Variants in SCNN1B observed in about 807,000 individuals in gnomAD.
The protein encoded by SCNN1B is epithelial sodium channel subunit beta.
A neutral mutation model predicts 65.3 loss-of-function variants in SCNN1B; 46 were observed. That is an observed-to-expected ratio of 0.70 (90% confidence interval 0.56 to 0.90). SCNN1B has a LOEUF of 0.90. Among genes scored for constraint, SCNN1B ranks in the 40% least tolerant of loss-of-function variants. The probability of loss-of-function intolerance (pLI) is 0.00; values close to 1 mark genes in which losing one functional copy is unlikely to be tolerated. For missense variants in SCNN1B, 751 were observed against 830.5 expected, an observed-to-expected ratio of 0.90 and a Z score of 1.18; for synonymous variants, 349 against 330.6, an observed-to-expected ratio of 1.06 and a Z score of -0.60.
upstream of SCNN1B, among the ~76,000 whole-genome samples, chr16:23,299,351 C>T (rs527252644): frequency 2.0e-5 from 3 of 152,202 alleles, no homozygotes; most frequent in South Asian, 4.2e-4. Context: ...TTAGCCACCC[C>T]GCCCAGCCGA....
chr16:23,332,633 A>G (rs970827693), intron 1 of SCNN1B, among the ~76,000 whole-genome samples: 1 of 152,102 alleles, frequency 6.6e-6, no homozygotes, highest in African/African-American at 2.4e-5. Flanking sequence ...GCCTGGTCAG[A>G]GATGTTTTTT....
intron 1 of SCNN1B, among the ~76,000 whole-genome samples, chr16:23,319,040 GTTTTGT>G (rs1961532449): frequency 1.6e-5 from 2 of 128,390 alleles, no homozygotes; most frequent in African/African-American, 7.5e-5. Context: ...GGTTTTGTTT[GTTTTGT>G]TTTTTTTTTT....
chr16:23,327,410 G>A (rs1054739108), intron 1 of SCNN1B, among the ~76,000 whole-genome samples: 14 of 152,062 alleles, frequency 9.2e-5, no homozygotes, highest in African/African-American at 2.2e-4. Flanking sequence ...GTGCACGCCT[G>A]TAATCCCAGC....
rs1319081524 is a variant in SCNN1B at position 23,309,739 on chromosome 16, G to A, written c.-9+7302G>A. 2.6e-5 allele frequency among the ~76,000 whole-genome samples: 4 copies of A among 152,216 alleles called. No individual in the cohort carries two copies. The East Asian group carries it at 5.8e-4, about 22-fold the overall frequency. Reference sequence around the variant, plus strand: ...GTGGGTCTGCCTTTCCCAGCCCACTGACTCAAGTGTTAATCTCCTTTGGCA... The same window carrying A: ...GTGGGTCTGCCTTTCCCAGCCCACTAACTCAAGTGTTAATCTCCTTTGGCA... On this transcript the variant is annotated intron_variant, in intron 1 of 12. Coordinates refer to ENST00000343070, the MANE Select transcript of SCNN1B (RefSeq NM_000336.3).
rs892298101 is a variant in SCNN1B at position 23,348,024 on chromosome 16, G to A, written c.-8-568G>A. Among the ~76,000 whole-genome samples the A allele has an allele frequency of 2.6e-5, 4 of 152,184 alleles. No homozygotes were observed. The highest frequency in any genetic ancestry group is 6.5e-5 in the Admixed American group (1 of 15,278). ...TATCTCTGCAGCTGAGGCCACAGGCGGGAACCCACCCTACACAGGACACAT... is the reference window on the plus strand; with the variant it reads ...TATCTCTGCAGCTGAGGCCACAGGCAGGAACCCACCCTACACAGGACACAT... On this transcript the variant is annotated intron_variant, in intron 1 of 12. Coordinates refer to ENST00000343070, the MANE Select transcript of SCNN1B (RefSeq NM_000336.3). The surrounding 1 kb of genome is among the most constrained non-coding windows in gnomAD (Gnocchi z 4.5).
rs145501957 is a variant in SCNN1B at position 23,348,396 on chromosome 16, T to C, written c.-8-196T>C. 2.0e-3 allele frequency among the ~76,000 whole-genome samples: 268 copies of C among 136,712 alleles called. No homozygotes were observed. The highest frequency in any genetic ancestry group is 3.3e-3 in the Non-Finnish European group (218 of 66,608). The allele number at this position is 136,712 out of a possible 152,430, so 89.7% of individuals were successfully genotyped here. On this transcript the variant is annotated intron_variant, in intron 1 of 12. Coordinates refer to ENST00000343070, the MANE Select transcript of SCNN1B (RefSeq NM_000336.3). The surrounding 1 kb of genome is among the most constrained non-coding windows in gnomAD (Gnocchi z 4.5). ...ATTCAATAAATGCATTTTGGTTGAT[T>C]AGATGGATGGATGGATTGATGACAG...
chr16:23,292,528 C>T (rs1403496062), intron 2 of SCNN1B, among the ~76,000 whole-genome samples: 3 of 150,028 alleles, frequency 2.0e-5, no homozygotes, highest in South Asian at 2.1e-4. Context: ...CTTTGAGACA[C>T]GGTCTCACTC....
At chr16:23,298,209 C>A (rs895721190), upstream of SCNN1B, among the ~76,000 whole-genome samples, 1 of 152,148 alleles carries the variant, frequency 6.6e-6, no homozygotes, top group Non-Finnish European at 1.5e-5. Flanking sequence ...ATAATTTAAC[C>A]CATGAATCTT....
At chr16:23,341,522 C>A (rs529336273) in intron 1 of SCNN1B, among the ~76,000 whole-genome samples, 1 of 152,054 alleles carries the variant, frequency 6.6e-6, no homozygotes, top group East Asian at 1.9e-4. Flanking sequence ...AAAAGACAAC[C>A]CACAGAGAAG....
chr16:23,340,557 C>A (rs566868122), intron 1 of SCNN1B, among the ~76,000 whole-genome samples: 1 of 151,848 alleles, frequency 6.6e-6, no homozygotes, highest in Non-Finnish European at 1.5e-5. Flanking sequence ...TATTTTTTTA[C>A]GTTTTAATCT....
chr16:23,353,276 T>C, intron 3 of SCNN1B: 1 of 622,262 alleles, frequency 1.6e-6, no homozygotes, highest in East Asian at 2.8e-5. Flanking sequence ...GTGATCCAGC[T>C]CACACTAGCT....
chr16:23,303,934 G>A, intron 1 of SCNN1B: 1 of 746,706 alleles, frequency 1.3e-6, no homozygotes, highest in South Asian at 1.5e-5. Flanking sequence ...AATAGAACTA[G>A]AAGTAGAAAT....
At chr16:23,298,559 C>T (rs766612709), upstream of SCNN1B, among the ~76,000 whole-genome samples, 5 of 152,172 alleles carry the variant, frequency 3.3e-5, no homozygotes, top group Non-Finnish European at 5.9e-5. Flanking sequence ...TGGAGAGGTG[C>T]TGTTGGTGCC....
chr16:23,339,652 A>C (rs931184249), intron 1 of SCNN1B, among the ~76,000 whole-genome samples: 6 of 151,618 alleles, frequency 4.0e-5, no homozygotes, highest in Admixed American at 1.3e-4. Flanking sequence ...TGCAACCTCT[A>C]CCTCCTGGGC....
chr16:23,311,245 C>T (rs951787092), intron 1 of SCNN1B, among the ~76,000 whole-genome samples: 2 of 152,236 alleles, frequency 1.3e-5, no homozygotes, highest in South Asian at 4.1e-4. Flanking sequence ...GCAAATGTGG[C>T]CCTTTCCTTT....
chr16:23,358,696 C>A (rs892730049), intron 4 of SCNN1B, among the ~76,000 whole-genome samples: 3 of 152,160 alleles, frequency 2.0e-5, no homozygotes, highest in Admixed American at 6.5e-5. Context: ...CGCTTGAGAC[C>A]AGGGGTTCGA....
At chr16:23,287,249 C>G (rs1414438690) in intron 2 of SCNN1B, among the ~76,000 whole-genome samples, 1 of 152,008 alleles carries the variant, frequency 6.6e-6, no homozygotes, top group Non-Finnish European at 1.5e-5. Flanking sequence ...AGGTAATCTG[C>G]CTGCCTCAGC....
At chr16:23,371,574 C>T (rs1962785414) in intron 6 of SCNN1B, 112 bp downstream of exon 6, 2 of 1,212,180 alleles carry the variant, frequency 1.6e-6, no homozygotes, top group African/African-American at 1.5e-5. Context: ...CCAGCCCTGG[C>T]CTTCCTTCCT....
chr16:23,345,781 G>C (rs759450259), intron 1 of SCNN1B, among the ~76,000 whole-genome samples: 5 of 152,164 alleles, frequency 3.3e-5, no homozygotes, highest in African/African-American at 9.7e-5. Flanking sequence ...AGAGTATGCT[G>C]GGCACAGAGG....
Sources: gnomAD v4.1 joint callset for allele counts (sites outside exome capture counted in the v4.1 genomes callset) on GRCh38, gnomAD v4.1.1 for gene constraint, Gnocchi (gnomAD v3.1) non-coding constraint, MANE v1.5 for transcripts, NCBI Gene and HGNC (gene_info 2026-07-23, HGNC 2026-07-21) for gene names.